The following UNC13B variants were observed in gnomAD, a reference collection of about 807,000 sequenced individuals.
UNC13B encodes the protein unc-13 homolog B, also known as protein unc-13 homolog B.
A neutral mutation model predicts 211.0 loss-of-function variants in UNC13B; 144 were observed. The ratio of observed to expected loss-of-function variants is 0.68; its 90% confidence interval spans 0.60 to 0.78. The LOEUF (loss-of-function observed/expected upper bound fraction) is 0.78, where lower values mean the gene tolerates loss of function less well. Among genes scored for constraint, UNC13B ranks in the 30% least tolerant of loss-of-function variants. The probability of loss-of-function intolerance (pLI) is 0.00; values close to 1 mark genes in which losing one functional copy is unlikely to be tolerated. For missense variants in UNC13B, 1,777 were observed against 2,002.0 expected (o/e 0.89, Z 2.14); for synonymous variants, 709 against 725.8 (o/e 0.98, Z 0.37).
chr9:35,378,504 A>G lies in UNC13B; in HGVS notation c.10205+68A>G, dbSNP rs911609294. On this transcript the variant is annotated intron_variant, in intron 17 of 39. Coordinates refer to ENST00000635942, the MANE Select transcript of UNC13B (RefSeq NM_001371189.2). ...TGGGGGAGCAGGATCACATCCTGCC[A>G]TTCTGGGCTTGAGCTTGAAGATTGG... is the stretch of plus-strand genomic sequence containing the variant. The G allele has an allele frequency of 8.2e-6, 13 of 1,589,782 alleles. No homozygotes were observed. The African/African-American group carries it at 1.6e-4, about 20-fold the overall frequency.
At chr9:35,314,860 G>A (rs923038414) in intron 11 of UNC13B, among the ~76,000 whole-genome samples, 17 of 142,560 alleles carry the variant, frequency 1.2e-4, no homozygotes, top group African/African-American at 4.2e-4. Context: ...TGGACACTTA[G>A]GTTGATTCCG....
At chr9:35,364,078 A>G (rs1448988779) in intron 11 of UNC13B, among the ~76,000 whole-genome samples, 1 of 152,218 alleles carries the variant, frequency 6.6e-6, no homozygotes, top group Non-Finnish European at 1.5e-5. Flanking sequence ...GAAAAGGCTC[A>G]GTCACCAGGG....
chr9:35,239,512 G>A (rs1488434805), intron 5 of UNC13B, among the ~76,000 whole-genome samples: 6 of 152,218 alleles, frequency 3.9e-5, no homozygotes, highest in African/African-American at 1.4e-4. Context: ...AATTAAAATT[G>A]CTAATGAAGT....
intron 6 of UNC13B, among the ~76,000 whole-genome samples, chr9:35,246,628 G>A (rs561495133): frequency 6.6e-6 from 1 of 152,006 alleles, no homozygotes; most frequent in African/African-American, 2.4e-5. Context: ...CATTTCTTGT[G>A]TTTGTCAGGT....
At chr9:35,400,088 C>A (rs1836190595) in intron 36 of UNC13B, among the ~76,000 whole-genome samples, 1 of 152,192 alleles carries the variant, frequency 6.6e-6, no homozygotes, top group East Asian at 1.9e-4. Flanking sequence ...ATCCTTCAAA[C>A]ACTGCCGTAC....
chr9:35,289,547 G>T lies in UNC13B; in HGVS notation c.527-6149G>T, dbSNP rs10758303. 6.6e-5 allele frequency among the ~76,000 whole-genome samples: 10 copies of T among 152,038 alleles called. 1 individual carries two copies. The highest frequency in any genetic ancestry group is 5.9e-4 in the Admixed American group (9 of 15,268). On this transcript the variant is annotated intron_variant, in intron 7 of 39. Coordinates refer to ENST00000635942, the MANE Select transcript of UNC13B (RefSeq NM_001371189.2). ...GCATTTTACATATTTTTTCCTGTAT[G>T]ATCTTTACAGTAACCCAGTGACACT... is the stretch of plus-strand genomic sequence containing the variant.
chr9:35,292,580 T>C (rs1010881190), intron 7 of UNC13B, among the ~76,000 whole-genome samples: 6 of 152,234 alleles, frequency 3.9e-5, no homozygotes, highest in Non-Finnish European at 1.5e-5. Context: ...ATTTTACTTT[T>C]AATTCATAGC....
chr9:35,242,438 C>G (rs925410483), intron 5 of UNC13B, among the ~76,000 whole-genome samples: 16 of 152,132 alleles, frequency 1.1e-4, no homozygotes, highest in African/African-American at 3.9e-4. Flanking sequence ...CATCAAACAA[C>G]TTCTCATTTC....
At chr9:35,364,657 G>A in intron 11 of UNC13B, 1 of 1,372,320 alleles carries the variant, frequency 7.3e-7, no homozygotes, top group Non-Finnish European at 9.9e-7. Context: ...ATGTGTGTGT[G>A]TGTGTGTACA....
At chr9:35,402,559 G>C (rs1287961064) in intron 37 of UNC13B, among the ~76,000 whole-genome samples, 1 of 152,110 alleles carries the variant, frequency 6.6e-6, no homozygotes, top group Non-Finnish European at 1.5e-5. Context: ...TGGGATTACA[G>C]GTGTGAGCCA....
chr9:35,246,224 G>T (rs1367720808), intron 6 of UNC13B, among the ~76,000 whole-genome samples: 2 of 150,638 alleles, frequency 1.3e-5, no homozygotes, highest in Non-Finnish European at 3.0e-5. Flanking sequence ...AAATTTGTTT[G>T]AGTTCATTGT....
intron 5 of UNC13B, among the ~76,000 whole-genome samples, chr9:35,240,477 C>G (rs1825746793): frequency 6.6e-6 from 1 of 152,082 alleles, no homozygotes; most frequent in Non-Finnish European, 1.5e-5. Context: ...GGAAGTCTTT[C>G]TTGTGGGACT....
intron 1 of UNC13B, among the ~76,000 whole-genome samples, chr9:35,177,648 C>G (rs1564047963): frequency 6.6e-6 from 1 of 152,104 alleles, no homozygotes; most frequent in Non-Finnish European, 1.5e-5. Flanking sequence ...TATAAACAAA[C>G]AGGATATGAT....
chr9:35,307,782 C>T lies in UNC13B; in HGVS notation c.8378C>T (p.Ser2793Leu), dbSNP rs370617443. Residue 2793 changes from serine to leucine, a missense_variant, in exon 9 of 40, where the codon TCA becomes TTA. Physicochemically the swap from Ser to Leu is moderately radical, Grantham distance 145 (BLOSUM62 -2). Transcript: ENST00000635942. ...AAACCACTGAGCTCTTTCTTTTCCT[C>T]ACCTCTCCCCTCTGGCAATAGAGCA... ...HGKPLSSFFS[S>L]PLPSGNRAAE... The T allele has an allele frequency of 6.1e-4, 244 of 399,032 alleles. 2 individuals carry two copies. The South Asian group carries it at 0.019, about 32-fold the overall frequency. 24.7% of individuals were successfully genotyped at this position (399,032 alleles called of 1,614,324 possible).
intron 5 of UNC13B, among the ~76,000 whole-genome samples, chr9:35,242,147 A>T (rs901325593): frequency 1.1e-4 from 17 of 152,178 alleles, no homozygotes; most frequent in Admixed American, 1.1e-3. Flanking sequence ...TTTAGGAATG[A>T]GGATATACCA....
intron 5 of UNC13B, 46 bp downstream of exon 5, chr9:35,237,872 T>C: frequency 6.4e-7 from 1 of 1,553,744 alleles, no homozygotes; most frequent in Non-Finnish European, 8.7e-7. Flanking sequence ...CCATATTGTT[T>C]GGAATTGTTT....
chr9:35,368,782 C>A (rs992078163), intron 12 of UNC13B, among the ~76,000 whole-genome samples: 1 of 151,188 alleles, frequency 6.6e-6, no homozygotes, highest in African/African-American at 2.4e-5. Flanking sequence ...TGAGCTACCC[C>A]CTTCTTCTTT....
chr9:35,282,571 A>G (rs1828561357), intron 7 of UNC13B, among the ~76,000 whole-genome samples: 1 of 152,090 alleles, frequency 6.6e-6, no homozygotes, highest in Admixed American at 6.5e-5. Context: ...AGCTAGGACT[A>G]CAGGCACATG....
At chr9:35,184,273 C>T (rs1411711396) in intron 1 of UNC13B, among the ~76,000 whole-genome samples, 2 of 152,202 alleles carry the variant, frequency 1.3e-5, no homozygotes, top group Non-Finnish European at 2.9e-5. Flanking sequence ...CGATGGGCGG[C>T]CAGGCAGAGA....
Sources: gnomAD v4.1 joint callset for allele counts (sites outside exome capture counted in the v4.1 genomes callset) on GRCh38, gnomAD v4.1.1 for gene constraint, MANE v1.5 for transcripts, NCBI Gene and HGNC (gene_info 2026-07-23, HGNC 2026-07-21) for gene names.